Variants in CREBBP observed in about 807,000 individuals in gnomAD.
The protein encoded by CREBBP is CREB-binding protein.
CREBBP carries 19 observed loss-of-function variants against 265.0 expected under a neutral mutation model. The ratio of observed to expected loss-of-function variants is 0.07; its 90% CI spans 0.05 to 0.11. The LOEUF is 0.11. CREBBP is among the 10% of genes least tolerant of loss of function. The pLI is 1.00. For missense variants in CREBBP, 2,525 were observed against 3,219.0 expected (o/e 0.78, Z 5.22); for synonymous variants, 1,457 against 1,223.7 (o/e 1.19, Z -3.98).
In CREBBP at chr16:3,726,948, C is replaced by T. The variant is rs1400202618; in HGVS notation, c.*770G>A. 8.6e-6 allele frequency: 2 copies of T among 233,508 alleles called. No individual in the cohort carries two copies. The highest frequency in any genetic ancestry group is 1.7e-5 in the Non-Finnish European group (2 of 118,034). 14.5% of individuals were successfully genotyped at this position (233,508 alleles called of 1,614,324 possible). A position where few individuals can be genotyped will look rare whatever the true frequency, so the allele number is the denominator to read the frequency against. ...AATTAGAGCGCTTGCATGATTTACA[C>T]TAGAATTGCTTTTCCTCATTTCAAG... On this transcript the variant is annotated 3_prime_UTR_variant, in exon 31 of 31. Coordinates refer to ENST00000262367, the MANE Select transcript of CREBBP (RefSeq NM_004380.3).
chr16:3,725,379 C>T lies in CREBBP; in HGVS notation c.*2339G>A, dbSNP rs2051716032. 8.6e-6 allele frequency: 2 copies of T among 233,322 alleles called. No individual in the cohort carries two copies. Among genetic ancestry groups the T allele is most frequent in the Non-Finnish European group, 1.7e-5 (2 of 118,038 alleles). 14.5% of individuals were successfully genotyped at this position (233,322 alleles called of 1,614,324 possible). On this transcript the variant is annotated 3_prime_UTR_variant, in exon 31 of 31. Transcript: ENST00000262367. ...GAAACAGAGGCCCCTCCACTGCCCA[C>T]ATTAAAAGGCTGCACAACCAGGAGG...
chr16:3,869,123 C>T (rs2055240193), intron 1 of CREBBP, among the ~76,000 whole-genome samples: 2 of 152,170 alleles, frequency 1.3e-5, no homozygotes, highest in African/African-American at 4.8e-5. Context: ...CCTATTCACC[C>T]TCAGGTGTCA....
chr16:3,737,131 T>TC, intron 26 of CREBBP: 1 of 470,442 alleles, frequency 2.1e-6, no homozygotes, highest in East Asian at 4.1e-5. Flanking sequence ...GCCATCCCCT[T>TC]CCTCCTGTGC....
intron 15 of CREBBP, among the ~76,000 whole-genome samples, chr16:3,768,358 G>A (rs553722170): frequency 2.6e-5 from 4 of 151,912 alleles, no homozygotes; most frequent in African/African-American, 9.7e-5. Context: ...TGTTGGCGAG[G>A]CTGGTCTCGA....
intron 3 of CREBBP, among the ~76,000 whole-genome samples, chr16:3,808,958 C>G (rs530779162): frequency 2.7e-4 from 41 of 152,248 alleles, no homozygotes; most frequent in African/African-American, 9.6e-4. Flanking sequence ...GTACCGTTCC[C>G]TGAACTTGAG....
intron 5 of CREBBP, among the ~76,000 whole-genome samples, chr16:3,784,054 C>T (rs868179733): frequency 1.4e-4 from 22 of 152,294 alleles, no homozygotes; most frequent in Middle Eastern, 6.8e-3. Flanking sequence ...TCCTTTCTAA[C>T]TTCCACAAAT....
At chr16:3,789,038 A>G (rs986878313) in intron 5 of CREBBP, among the ~76,000 whole-genome samples, 1 of 152,238 alleles carries the variant, frequency 6.6e-6, no homozygotes, top group Non-Finnish European at 1.5e-5. Context: ...ACCTCAGATT[A>G]GCGCCACAGG....
intron 3 of CREBBP, among the ~76,000 whole-genome samples, chr16:3,801,502 C>G (rs2141313177): frequency 6.6e-6 from 1 of 152,188 alleles, no homozygotes; most frequent in Admixed American, 6.5e-5. Context: ...AACCCCATTT[C>G]TACTAAAAAT....
Position 3,774,559 on chromosome 16 carries a change from G to C in CREBBP, c.2283+10C>G. 6.2e-7 allele frequency: 1 copy of C among 1,614,122 alleles called. No homozygotes were observed. The highest frequency in any genetic ancestry group is 8.5e-7 in the Non-Finnish European group (1 of 1,180,042). ...GGGCTATCTGCAGCACAGCGAAAGA[G>C]AACACTTACCCCTGGCACTGAGCCC... On this transcript the variant is annotated intron_variant, in intron 12 of 30. Coordinates refer to ENST00000262367, the MANE Select transcript of CREBBP (RefSeq NM_004380.3).
intron 1 of CREBBP, among the ~76,000 whole-genome samples, chr16:3,874,445 A>G (rs2055359574): frequency 6.6e-6 from 1 of 152,354 alleles, no homozygotes; most frequent in South Asian, 2.1e-4. Context: ...ATTGCAGCCC[A>G]TGGGCGAAGT....
At chr16:3,785,212 T>A (rs1354597685) in intron 5 of CREBBP, among the ~76,000 whole-genome samples, 2 of 152,150 alleles carry the variant, frequency 1.3e-5, no homozygotes, top group South Asian at 2.1e-4. Context: ...CTCCAAGTGC[T>A]CCATGGTGGT....
In CREBBP at chr16:3,738,571, A is replaced by T; in HGVS notation, c.4382T>A (p.Val1461Glu). The change falls in exon 26 of 31, where the codon GTG (valine) becomes GAG (glutamate). Residue 1461 changes from valine (V) to glutamate (E), a missense_variant. Around this residue, in one of 19 missense-constraint regions of CREBBP, gnomAD observed 252 missense variants for 452.5 expected, o/e 0.56. Transcript: ENST00000262367. ...HEILIGYLEY[V>E]KKLGYVTGHI... ...AATCCAAACTCACCCTAATTTCTTCACATACTCTAAATATCCAATAAGGAT... is the reference window on the plus strand; with the variant it reads ...AATCCAAACTCACCCTAATTTCTTCTCATACTCTAAATATCCAATAAGGAT... 6.2e-7 allele frequency: 1 copy of T among 1,607,496 alleles called. No individual in the cohort carries two copies. The highest frequency in any genetic ancestry group is 1.1e-5 in the South Asian group (1 of 90,894).
intron 2 of CREBBP, among the ~76,000 whole-genome samples, chr16:3,846,020 A>T (rs773247343): frequency 1.3e-5 from 2 of 152,228 alleles, no homozygotes; most frequent in Non-Finnish European, 2.9e-5. Context: ...TAAATGGATA[A>T]ATGTGTTTCT....
chr16:3,828,656 A>G (rs764995228), intron 2 of CREBBP, among the ~76,000 whole-genome samples: 22 of 152,360 alleles, frequency 1.4e-4, no homozygotes, highest in South Asian at 2.1e-4. Flanking sequence ...GTATTTCACC[A>G]TCATAGTTTG....
At chr16:3,822,240 CCACT>C (rs2141383066) in intron 2 of CREBBP, among the ~76,000 whole-genome samples, 1 of 152,268 alleles carries the variant, frequency 6.6e-6, no homozygotes, top group East Asian at 1.9e-4. Flanking sequence ...GATCTACACT[CCACT>C]CACTCATAAA....
chr16:3,732,046 A>G (rs887724236), intron 28 of CREBBP, 109 bp from the exon 29 acceptor site: 3 of 1,597,084 alleles, frequency 1.9e-6, no homozygotes, highest in African/African-American at 2.7e-5. Flanking sequence ...AAAGTAGGTC[A>G]CCACCAGGCA....
At chr16:3,751,251 G>T (rs1212704395) in intron 20 of CREBBP, among the ~76,000 whole-genome samples, 1 of 152,124 alleles carries the variant, frequency 6.6e-6, no homozygotes, top group Non-Finnish European at 1.5e-5. Flanking sequence ...ATTTTTCAGT[G>T]TAAATGTATA....
At chr16:3,804,150 T>C (rs1244994722) in intron 3 of CREBBP, among the ~76,000 whole-genome samples, 6 of 151,546 alleles carry the variant, frequency 4.0e-5, no homozygotes, top group African/African-American at 1.2e-4. Context: ...AGATAGAAGA[T>C]AGAAGGCACC....
intron 2 of CREBBP, among the ~76,000 whole-genome samples, chr16:3,813,826 C>T (rs536283330): frequency 6.6e-6 from 1 of 152,268 alleles, no homozygotes; most frequent in East Asian, 1.9e-4. Flanking sequence ...AAAAAATCAA[C>T]GTCTTTTGGA....
Sources: allele counts gnomAD v4.1 joint callset (sites outside exome capture counted in the v4.1 genomes callset), GRCh38; gene constraint gnomAD v4.1.1; regional missense constraint gnomAD v4.1.1; transcripts MANE v1.5; gene names NCBI Gene and HGNC (gene_info 2026-07-23, HGNC 2026-07-21).